The following AGBL4 variants were observed in gnomAD, a reference collection of about 807,000 sequenced individuals.
AGBL4 encodes the protein AGBL carboxypeptidase 4.
AGBL4 carries 58 observed loss-of-function variants against 66.4 expected under a neutral mutation model. That is an observed-to-expected ratio of 0.87 (90% CI 0.71 to 1.09). The LOEUF is 1.09. Among genes scored for constraint, AGBL4 ranks in the 50% least tolerant of loss-of-function variants. The probability of loss-of-function intolerance (pLI) is 0.00; values close to 1 mark genes in which losing one functional copy is unlikely to be tolerated. For synonymous variants in AGBL4, 234 were observed against 222.9 expected (o/e 1.05, Z -0.44); for missense variants, 579 against 631.0 (o/e 0.92, Z 0.88).
intron 1 of AGBL4, among the ~76,000 whole-genome samples, chr1:49,955,317 A>G (rs1656505667): frequency 1.3e-5 from 2 of 151,998 alleles, no homozygotes; most frequent in African/African-American, 2.4e-5. Context: ...TTTCACTATA[A>G]AACAATCCAT....
chr1:48,584,935 A>T (rs576514039), intron 11 of AGBL4: 1 of 152,296 alleles, frequency 6.6e-6, no homozygotes, highest in South Asian at 2.1e-4. Context: ...AGCCTTCTGG[A>T]ATTCCTCCAC....
chr1:49,954,015 T>C (rs1237020860), intron 1 of AGBL4, among the ~76,000 whole-genome samples: 1 of 151,944 alleles, frequency 6.6e-6, no homozygotes, highest in African/African-American at 2.4e-5. Context: ...TGTCTCAGGC[T>C]CCTAAGTAGG....
intron 3 of AGBL4, among the ~76,000 whole-genome samples, chr1:49,386,421 T>C (rs1034855224): frequency 1.3e-5 from 2 of 151,842 alleles, no homozygotes; most frequent in Admixed American, 1.3e-4. Context: ...AAAGATTATA[T>C]GATGTTCTGA....
At position 48,668,556 on chromosome 1, in the gene AGBL4, C is replaced by T. The variant is rs381077; in HGVS notation, c.635-5315G>A. Among the ~76,000 whole-genome samples the T allele has an allele frequency of 3.2e-3, 484 of 152,298 alleles. 1 individual carries two copies. Among genetic ancestry groups the T allele is most frequent in the African/African-American group, 0.011 (467 of 41,552 alleles). Reference sequence around the variant, plus strand: ...CGACATGTTCTCCCACACCTCCACACTGGGCACATGTTCTGTTTTCTTCCT... The same window carrying T: ...CGACATGTTCTCCCACACCTCCACATTGGGCACATGTTCTGTTTTCTTCCT... On this transcript the variant is annotated intron_variant, in intron 6 of 13. Coordinates refer to ENST00000371839, the MANE Select transcript of AGBL4 (RefSeq NM_032785.4).
intron 5 of AGBL4, among the ~76,000 whole-genome samples, chr1:49,015,866 T>C (rs764573194): frequency 6.6e-6 from 1 of 152,146 alleles, no homozygotes; most frequent in Non-Finnish European, 1.5e-5. Flanking sequence ...AAATGGTCAA[T>C]TTCAGCGGAA....
At position 50,023,915 on chromosome 1, in the gene AGBL4, G is replaced by A; in HGVS notation, c.-119C>T. 1 of 1,164,752 alleles carries A rather than the reference G, an allele frequency of 8.6e-7. No individual in the cohort carries two copies. 72.2% of individuals were successfully genotyped at this position (1,164,752 alleles called of 1,614,324 possible). ...GAAGACGCGGCACGACGGTTGCCTGGGCAACGGGCGGCAGGCGCGCGGGTG... is the reference window on the plus strand; with the variant it reads ...GAAGACGCGGCACGACGGTTGCCTGAGCAACGGGCGGCAGGCGCGCGGGTG... On this transcript the variant is annotated 5_prime_UTR_variant, in exon 1 of 14. Transcript: ENST00000371839.
intron 4 of AGBL4, among the ~76,000 whole-genome samples, chr1:49,054,511 T>C (rs1234986887): frequency 6.6e-6 from 1 of 151,998 alleles, no homozygotes; most frequent in African/African-American, 2.4e-5. Flanking sequence ...GTGAAAGCAA[T>C]ATACTTGTTA....
intron 3 of AGBL4, among the ~76,000 whole-genome samples, chr1:49,341,603 T>A (rs1458375413): frequency 6.6e-6 from 1 of 152,184 alleles, no homozygotes; most frequent in Non-Finnish European, 1.5e-5. Context: ...CTATAGGATG[T>A]TAACGGCTAT....
intron 2 of AGBL4, among the ~76,000 whole-genome samples, chr1:49,739,588 C>A (rs926795476): frequency 3.9e-5 from 6 of 152,090 alleles, no homozygotes; most frequent in Admixed American, 1.3e-4. Context: ...AGAGCAACTC[C>A]AAGACACATA....
Position 48,587,116 on chromosome 1 carries a change from G to T in AGBL4, c.1155C>A (p.Arg385=). The part of the protein sequence containing the change: ...RDAVKAGTGR[R]FLGGLLDHTS... ...TGTGGTCCAGGAGTCCACCGAGGAAGCGACGGCCAGTTCCTGCTTTCACAG... is the reference window on the plus strand; with the variant it reads ...TGTGGTCCAGGAGTCCACCGAGGAATCGACGGCCAGTTCCTGCTTTCACAG... Residue 385 remains arginine (R), a synonymous_variant, in exon 11 of 14, where the codon CGC becomes CGA. Transcript: ENST00000371839. 1 of 1,572,528 alleles carries T rather than the reference G, an allele frequency of 6.4e-7. No homozygotes were observed. The highest frequency in any genetic ancestry group is 2.4e-5 in the East Asian group (1 of 42,532).
At chr1:48,895,803 G>T (rs1651449920) in intron 5 of AGBL4, among the ~76,000 whole-genome samples, 1 of 152,176 alleles carries the variant, frequency 6.6e-6, no homozygotes, top group Non-Finnish European at 1.5e-5. Flanking sequence ...TACAGTTGGG[G>T]TGTGGAGGAT....
At chr1:49,081,149 A>T (rs79645006) in intron 4 of AGBL4, among the ~76,000 whole-genome samples, 6,428 of 152,264 alleles carry the variant, frequency 0.042, 173 homozygotes, top group East Asian at 0.074. Flanking sequence ...GGGAATATAA[A>T]ACAAACAGCT....
intron 6 of AGBL4, among the ~76,000 whole-genome samples, chr1:48,733,005 G>A (rs889138994): frequency 1.3e-5 from 2 of 152,168 alleles, no homozygotes; most frequent in Admixed American, 6.5e-5. Context: ...TTAGAGACGA[G>A]GAAGTCACTG....
intron 1 of AGBL4, among the ~76,000 whole-genome samples, chr1:49,881,401 C>T (rs1452025618): frequency 6.6e-6 from 1 of 152,082 alleles, no homozygotes; most frequent in Non-Finnish European, 1.5e-5. Context: ...GGTATATACC[C>T]AGTAATGGGA....
intron 4 of AGBL4, among the ~76,000 whole-genome samples, chr1:49,180,629 T>C (rs1453520149): frequency 6.6e-6 from 1 of 152,170 alleles, no homozygotes; most frequent in Admixed American, 6.5e-5. Flanking sequence ...GTATATCTAG[T>C]ACAGAAGATA....
At chr1:49,784,560 A>G (rs1262612965) in intron 2 of AGBL4, among the ~76,000 whole-genome samples, 4 of 152,096 alleles carry the variant, frequency 2.6e-5, no homozygotes, top group Admixed American at 6.6e-5. Flanking sequence ...ATAAGAAAAC[A>G]TAGGTGCAAG....
At chr1:49,967,972 C>T (rs1301746102) in intron 1 of AGBL4, among the ~76,000 whole-genome samples, 1 of 152,042 alleles carries the variant, frequency 6.6e-6, no homozygotes, top group Non-Finnish European at 1.5e-5. Context: ...GCCTATAATT[C>T]CAGCACTTTG....
At chr1:49,328,837 T>G (rs867917890) in intron 3 of AGBL4, among the ~76,000 whole-genome samples, 1 of 152,244 alleles carries the variant, frequency 6.6e-6, no homozygotes, top group Admixed American at 6.5e-5. Flanking sequence ...TATTTGTTTA[T>G]GTTATCTCTG....
chr1:49,199,022 C>G (rs1297846317), intron 4 of AGBL4, among the ~76,000 whole-genome samples: 1 of 152,196 alleles, frequency 6.6e-6, no homozygotes, highest in Non-Finnish European at 1.5e-5. Context: ...TCAGCTTTGT[C>G]TTCCACTTCT....
Sources: gnomAD v4.1 joint callset for allele counts (sites outside exome capture counted in the v4.1 genomes callset) on GRCh38, gnomAD v4.1.1 for gene constraint, MANE v1.5 for transcripts, NCBI Gene and HGNC (gene_info 2026-07-23, HGNC 2026-07-21) for gene names.